Variants in PDE1A observed in about 807,000 individuals in gnomAD.
The protein encoded by PDE1A is phosphodiesterase 1A, also known as dual specificity calcium/calmodulin-dependent 3',5'-cyclic nucleotide phosphodiesterase 1A.
Under a neutral mutation model 61.7 loss-of-function variants are expected in PDE1A, and 35 were observed. The observed-to-expected ratio is 0.57, with a 90% CI of 0.43 to 0.75. The LOEUF is 0.75. Among genes scored for constraint, PDE1A ranks in the 30% least tolerant of loss-of-function variants. The pLI, the probability that PDE1A is intolerant of heterozygous loss-of-function variation, is 0.00. For synonymous variants in PDE1A, 232 were observed against 213.2 expected (o/e 1.09, Z -0.77); for missense variants, 597 against 630.6 (o/e 0.95, Z 0.57).
At chr2:182,268,454 T>C (rs564052291) in intron 1 of PDE1A, among the ~76,000 whole-genome samples, 109 of 152,132 alleles carry the variant, frequency 7.2e-4, no homozygotes, top group Non-Finnish European at 1.2e-3. Context: ...ACCACACTTA[T>C]ATATACATAT....
chr2:182,573,915 T>A, the PDE1A span, among the ~76,000 whole-genome samples: 402 of 144,846 alleles, frequency 2.8e-3, no homozygotes, highest in African/African-American at 1.0e-2. Flanking sequence ...ATATATTATA[T>A]ATATTAATAT....
In PDE1A at chr2:182,502,824, T is replaced by C. The variant is rs187310116; in HGVS notation, c.101+19452A>G. 7.6e-3 allele frequency among the ~76,000 whole-genome samples: 1,032 copies of C among 135,850 alleles called. 4 individuals carry two copies. Among genetic ancestry groups the C allele is most frequent in the Middle Eastern group, 0.016 (4 of 244 alleles). 89.1% of individuals were successfully genotyped at this position (135,850 alleles called of 152,430 possible). A position where few individuals can be genotyped will look rare whatever the true frequency, so the allele number is the denominator to read the frequency against. ...AGAGCATGTATTAAGTGAATACTTA[T>C]ATGTTTTGTTGCAGATTTGTGCCTA... On this transcript the variant is annotated intron_variant, in intron 2 of 14. Coordinates refer to the PDE1A transcript ENST00000410103.
chr2:182,142,082 G>C (rs916967702), downstream of PDE1A: 87 of 150,886 alleles, frequency 5.8e-4, 1 homozygote, highest in African/African-American at 2.1e-3. Flanking sequence ...AATGTTATCT[G>C]TACAGAAAAG....
intron 2 of PDE1A, among the ~76,000 whole-genome samples, chr2:182,514,509 C>T (rs1690015144): frequency 6.6e-6 from 1 of 151,894 alleles, no homozygotes; most frequent in African/African-American, 2.4e-5. Context: ...ATAGAGAACC[C>T]CAAAATAAAG....
intron 2 of PDE1A, among the ~76,000 whole-genome samples, chr2:182,255,382 A>G (rs1691698936): frequency 1.3e-5 from 2 of 152,220 alleles, no homozygotes; most frequent in East Asian, 3.9e-4. Context: ...AAAGGAGCAC[A>G]CATGAGTGAG....
chr2:182,361,814 G>A (rs1699529162), intron 1 of PDE1A, among the ~76,000 whole-genome samples: 1 of 151,966 alleles, frequency 6.6e-6, no homozygotes, highest in African/African-American at 2.4e-5. Context: ...AGGCAGGTCA[G>A]GCACTAACAC....
At chr2:182,522,659 A>G in intron 1 of PDE1A, 1 of 1,155,102 alleles carries the variant, frequency 8.7e-7, no homozygotes, top group Middle Eastern at 3.7e-4. Flanking sequence ...CTACTGTACT[A>G]CTGACCGACT....
At chr2:182,451,434 T>C (rs1419726882) in intron 2 of PDE1A, among the ~76,000 whole-genome samples, 1 of 151,924 alleles carries the variant, frequency 6.6e-6, no homozygotes, top group Non-Finnish European at 1.5e-5. Context: ...AGTATTAGTA[T>C]GTATGTGGAC....
chr2:182,229,987 G>A lies in PDE1A; in HGVS notation c.675+19C>T. 6.3e-7 allele frequency: 1 copy of A among 1,594,370 alleles called. No homozygotes were observed. Among genetic ancestry groups the A allele is most frequent in the Non-Finnish European group, 8.6e-7 (1 of 1,168,754 alleles). On this transcript the variant is annotated intron_variant, in intron 6 of 13. Transcript: ENST00000351439. ...AATGCTTCCAAACTAACAAACCTCA[G>A]TTACAAAGACTGTCTTACCATGATA...
At chr2:182,482,618 A>G (rs1196828199) in intron 2 of PDE1A, among the ~76,000 whole-genome samples, 1 of 151,992 alleles carries the variant, frequency 6.6e-6, no homozygotes, top group East Asian at 1.9e-4. Context: ...GCATGTATTC[A>G]CCAGAAACTA....
At chr2:182,427,018 G>A (rs950159819) in exon 1 of PDE1A, 12 of 996,726 alleles carry the variant, frequency 1.2e-5, no homozygotes, top group Non-Finnish European at 1.3e-5. Context: ...CCTTCCACAT[G>A]CTGGTCAAGC....
intron 2 of PDE1A, among the ~76,000 whole-genome samples, chr2:182,255,952 G>A (rs1335294689): frequency 2.7e-5 from 4 of 150,380 alleles, no homozygotes; most frequent in African/African-American, 7.3e-5. Context: ...GATTACATGC[G>A]TGAGCCACCG....
intron 10 of PDE1A, among the ~76,000 whole-genome samples, chr2:182,191,024 A>T (rs186035371): frequency 2.7e-4 from 41 of 152,302 alleles, no homozygotes; most frequent in Non-Finnish European, 5.0e-4. Flanking sequence ...GTACAAATTA[A>T]AGGTATTTAT....
chr2:182,664,857 T>G, the PDE1A span, among the ~76,000 whole-genome samples: 6 of 152,312 alleles, frequency 3.9e-5, no homozygotes, highest in Admixed American at 3.9e-4. Flanking sequence ...AAGAGATACG[T>G]AAGTCAAATA....
In PDE1A at chr2:182,400,221, G is replaced by T. The variant is rs16823159; in HGVS notation, c.53+26357C>A. Reference sequence around the variant, plus strand: ...TTTCCTTTTCCCATGATAAAAGAAGGTTCCATGTACTTGACACAGAGCAGA... The same window carrying T: ...TTTCCTTTTCCCATGATAAAAGAAGTTTCCATGTACTTGACACAGAGCAGA... On this transcript the variant is annotated intron_variant, in intron 1 of 13. Coordinates refer to ENST00000351439, the Ensembl canonical transcript of PDE1A. Among the ~76,000 whole-genome samples the T allele has an allele frequency of 1.8e-4, 28 of 152,164 alleles. No homozygotes were observed. In the East Asian group the frequency reaches 5.2e-3, roughly 28 times the overall value.
chr2:182,644,650 C>T, the PDE1A span, among the ~76,000 whole-genome samples: 2 of 152,092 alleles, frequency 1.3e-5, no homozygotes, highest in Non-Finnish European at 2.9e-5. Context: ...GACGTCATCT[C>T]GCTGAGCCTG....
At chr2:182,336,976 T>TAAA (rs10679939) in intron 1 of PDE1A, among the ~76,000 whole-genome samples, 1 of 148,596 alleles carries the variant, frequency 6.7e-6, no homozygotes. Context: ...TTTTTTTTTT[T>TAAA]AAATAAAGAA....
intron 2 of PDE1A, among the ~76,000 whole-genome samples, chr2:182,513,883 G>A (rs1296447635): frequency 6.6e-6 from 1 of 152,204 alleles, no homozygotes; most frequent in East Asian, 1.9e-4. Context: ...TTTCAATTCA[G>A]TAAGAAGACT....
At chr2:182,202,334 A>G (rs1304048662) in intron 8 of PDE1A, among the ~76,000 whole-genome samples, 2 of 152,196 alleles carry the variant, frequency 1.3e-5, no homozygotes, top group East Asian at 3.8e-4. Flanking sequence ...CAAAACGACT[A>G]CTATTAATAA....
Sources: allele counts gnomAD v4.1 joint callset (sites outside exome capture counted in the v4.1 genomes callset), GRCh38; gene constraint gnomAD v4.1.1; transcripts MANE v1.5; gene names NCBI Gene and HGNC (gene_info 2026-07-23, HGNC 2026-07-21).